MID2: variants seen among roughly 807,000 people sequenced by gnomAD.
MID2 encodes probable E3 ubiquitin-protein ligase MID2.
A neutral mutation model predicts 46.1 loss-of-function variants in MID2; 13 were observed. The ratio of observed to expected loss-of-function variants is 0.28; its 90% CI spans 0.18 to 0.45. The LOEUF is 0.45. Ranked by LOEUF, MID2 falls within the 20% of genes least tolerant of loss-of-function variation. MID2 has a pLI of 1.00. For missense variants in MID2, 431 were observed against 575.4 expected (o/e 0.75, Z 2.57); for synonymous variants, 199 against 212.3 (o/e 0.94, Z 0.55).
chrX:107,862,543 CTAATT>C (rs1257126790), intron 3 of MID2, among the ~76,000 whole-genome samples: 7 of 112,071 alleles, frequency 6.2e-5, no homozygotes, highest in Middle Eastern at 4.6e-3. Context: ...TTTGCAGTTA[CTAATT>C]TAAACAAATT....
At chrX:107,867,275 C>A (rs2147840856) in intron 3 of MID2, among the ~76,000 whole-genome samples, 1 of 110,763 alleles carries the variant, frequency 9.0e-6, no homozygotes, top group Non-Finnish European at 1.9e-5. Context: ...CTCAGCCTCC[C>A]AAGTAGCTGG....
intron 7 of MID2, among the ~76,000 whole-genome samples, chrX:107,922,902 T>C (rs1933097918): frequency 8.9e-6 from 1 of 111,978 alleles, no homozygotes; most frequent in African/African-American, 3.2e-5. Flanking sequence ...TTCCTCTTTG[T>C]ATTAAAATCT....
intron 3 of MID2, among the ~76,000 whole-genome samples, chrX:107,857,634 C>T (rs905087924): frequency 8.9e-6 from 1 of 111,874 alleles, no homozygotes; most frequent in Non-Finnish European, 1.9e-5. Flanking sequence ...TATCCTCATT[C>T]AACACAGAGC....
At chrX:107,917,786 A>G (rs1314121520) in intron 7 of MID2, 47 bp downstream of exon 7, 1 of 1,096,148 alleles carries the variant, frequency 9.1e-7, no homozygotes, top group African/African-American at 1.8e-5. Flanking sequence ...AGTGTTTCAT[A>G]GACAGTGTAA....
At chrX:107,876,623 A>G (rs2147846694) in intron 3 of MID2, among the ~76,000 whole-genome samples, 1 of 111,420 alleles carries the variant, frequency 9.0e-6, no homozygotes, top group South Asian at 3.8e-4. Flanking sequence ...TTCCAATTGG[A>G]TAAAGTTTGA....
intron 1 of MID2, among the ~76,000 whole-genome samples, chrX:107,839,131 A>G (rs1190658616): frequency 9.0e-6 from 1 of 110,774 alleles, no homozygotes; most frequent in Non-Finnish European, 1.9e-5. Context: ...AAAAGCAAGA[A>G]AGATGCCCTT....
At chrX:107,839,102 G>C (rs949732548) in intron 1 of MID2, among the ~76,000 whole-genome samples, 1 of 110,348 alleles carries the variant, frequency 9.1e-6, no homozygotes, top group Admixed American at 9.6e-5. Flanking sequence ...GAATGACAGA[G>C]GGACACCTTG....
intron 3 of MID2, among the ~76,000 whole-genome samples, chrX:107,868,024 A>G (rs2147841321): frequency 8.9e-6 from 1 of 112,061 alleles, no homozygotes; most frequent in African/African-American, 3.2e-5. Context: ...AGGTGATGGA[A>G]TTGTTCTAAA....
chrX:107,841,457 T>C, intron 2 of MID2, 72 bp downstream of exon 2: 1 of 802,664 alleles, frequency 1.2e-6, no homozygotes, highest in Non-Finnish European at 1.8e-6. Flanking sequence ...TCTAATAAAA[T>C]AGGTGACTTT....
chrX:107,895,932 C>G (rs1458957928), intron 3 of MID2: 1 of 112,147 alleles, frequency 8.9e-6, no homozygotes, highest in African/African-American at 3.2e-5. Flanking sequence ...TTTTTAAGAT[C>G]TAATTACATG....
At chrX:107,872,173 G>T (rs763926371) in intron 3 of MID2, among the ~76,000 whole-genome samples, 2 of 111,554 alleles carry the variant, frequency 1.8e-5, no homozygotes, top group Non-Finnish European at 3.8e-5. Flanking sequence ...TCTACCTAAG[G>T]GTCCCCAGCA....
chrX:107,848,128 A>G (rs1359187464), intron 2 of MID2, among the ~76,000 whole-genome samples: 1 of 111,421 alleles, frequency 9.0e-6, no homozygotes, highest in African/African-American at 3.3e-5. Context: ...TGGTAGAGCC[A>G]TGCAGTAGTG....
In MID2 at chrX:107,903,163, T is replaced by C. The variant is rs532707628; in HGVS notation, c.817-795T>C. On this transcript the variant is annotated intron_variant, in intron 3 of 9. Coordinates refer to ENST00000262843, the MANE Select transcript of MID2 (RefSeq NM_012216.4). ...CTTGGCAAGTTAAGTACTAAAAAGA[T>C]GTTAGTTCTTTTCTCCTTCCTTTCC... 4.5e-5 allele frequency among the ~76,000 whole-genome samples: 5 copies of C among 111,827 alleles called. No homozygotes were observed. The South Asian group carries it at 1.9e-3, about 42-fold the overall frequency.
intron 7 of MID2, 44 bp downstream of exon 7, chrX:107,917,783 C>A: frequency 8.9e-7 from 1 of 1,122,950 alleles, no homozygotes; most frequent in South Asian, 1.9e-5. Flanking sequence ...TATAGTGTTT[C>A]ATAGACAGTG....
chrX:107,827,440 T>C (rs994401824), intron 1 of MID2, among the ~76,000 whole-genome samples: 5 of 111,169 alleles, frequency 4.5e-5, no homozygotes, highest in African/African-American at 1.6e-4. Context: ...TTTGCCTTTT[T>C]GAGGATTTCT....
intron 1 of MID2, among the ~76,000 whole-genome samples, chrX:107,832,775 G>C (rs1027874459): frequency 8.9e-6 from 1 of 112,009 alleles, no homozygotes; most frequent in African/African-American, 3.2e-5. Context: ...AGCCTCTTCT[G>C]TCTAGGTTTC....
At chrX:107,876,961 C>A (rs935130697) in intron 3 of MID2, among the ~76,000 whole-genome samples, 2 of 110,847 alleles carry the variant, frequency 1.8e-5, no homozygotes, top group African/African-American at 3.3e-5. Flanking sequence ...TAGGAGGGGG[C>A]AAGTGAGAGA....
chrX:107,923,245 G>A (rs1288157434), intron 7 of MID2, among the ~76,000 whole-genome samples: 3 of 111,706 alleles, frequency 2.7e-5, no homozygotes, highest in Admixed American at 9.5e-5. Context: ...TATATTCCTC[G>A]CCTTTCCCTT....
In MID2 at chrX:107,900,479, C is replaced by G. The variant is rs1406063324; in HGVS notation, c.817-3479C>G. 4.5e-5 allele frequency among the ~76,000 whole-genome samples: 5 copies of G among 111,005 alleles called. No individual in the cohort carries two copies. The East Asian group carries it at 1.4e-3, about 31-fold the overall frequency. On this transcript the variant is annotated intron_variant, in intron 3 of 9. Coordinates refer to ENST00000262843, the MANE Select transcript of MID2 (RefSeq NM_012216.4). ...GATATTCTCCTTGGGTATGCCCTGT[C>G]CACATCACAACAGCCTCCTAAATAG... is the stretch of plus-strand genomic sequence containing the variant.
Sources: gnomAD v4.1 joint callset for allele counts (sites outside exome capture counted in the v4.1 genomes callset) on GRCh38, gnomAD v4.1.1 for gene constraint, MANE v1.5 for transcripts, NCBI Gene and HGNC (gene_info 2026-07-23, HGNC 2026-07-21) for gene names.